The following SEMA6A variants were observed in gnomAD, a reference collection of about 807,000 sequenced individuals.
The protein encoded by SEMA6A is semaphorin 6A, also known as semaphorin-6A.
Under a neutral mutation model 96.8 loss-of-function variants are expected in SEMA6A, and 25 were observed. The ratio of observed to expected loss-of-function variants is 0.26; its 90% CI spans 0.19 to 0.36. SEMA6A has a LOEUF of 0.36. Ranked by LOEUF, SEMA6A falls within the 10% of genes least tolerant of loss-of-function variation. The probability of loss-of-function intolerance (pLI) is 1.00; values close to 1 mark genes in which losing one functional copy is unlikely to be tolerated. For synonymous variants in SEMA6A, 612 were observed against 518.0 expected (o/e 1.18, Z -2.46); for missense variants, 1,363 against 1,323.1 (o/e 1.03, Z -0.47).
intron 11 of SEMA6A, among the ~76,000 whole-genome samples, chr5:116,481,578 G>A (rs908343996): frequency 2.0e-5 from 3 of 152,034 alleles, no homozygotes; most frequent in Non-Finnish European, 4.4e-5. Flanking sequence ...GAAGAGAGTT[G>A]AAAAACAAAA....
Position 116,482,567 on chromosome 5 carries a change from C to G in SEMA6A, c.971G>C (p.Gly324Ala). 1 of 1,613,348 alleles carries G rather than the reference C, an allele frequency of 6.2e-7. No homozygotes were observed. Among genetic ancestry groups the G allele is most frequent in the Non-Finnish European group, 8.5e-7 (1 of 1,179,564 alleles). The change falls in exon 11 of 19, where the codon GGG (glycine) becomes GCG (alanine). Residue 324 changes from glycine (G) to alanine (A), a missense_variant. By Grantham distance (60) the Gly-to-Ala change is moderately conservative. Transcript: ENST00000343348. ...TFSTPYNSIP[G>A]SAVCAYDMLD... is the part of the protein sequence containing the mutation. The stretch of plus-strand genomic sequence containing the variant: ...CATGTCATAGGCACAGACTGCAGAC[C>G]CAGGGATGCTACAACATGATATTTC...
At chr5:116,491,587 A>C (rs940948714) in intron 7 of SEMA6A, among the ~76,000 whole-genome samples, 153 bp downstream of exon 7, 1 of 152,148 alleles carries the variant, frequency 6.6e-6, no homozygotes, top group East Asian at 1.9e-4. Flanking sequence ...TACAATTTTC[A>C]TACTAATTTC....
chr5:116,467,566 C>T lies in SEMA6A; in HGVS notation c.1894+17G>A, dbSNP rs1755837532. The T allele has an allele frequency of 6.2e-7, 1 of 1,600,990 alleles. No individual in the cohort carries two copies. The highest frequency in any genetic ancestry group is 1.1e-5 in the South Asian group (1 of 89,376). ...CTCCCTCTCCCCCGAGAGGAAGAGG[C>T]ATTTCCAAGGCCTTACCCTTCTTGT... On this transcript the variant is annotated intron_variant, in intron 18 of 18. Transcript: ENST00000343348.
chr5:116,573,094 G>C (rs1311480191), intron 1 of SEMA6A, among the ~76,000 whole-genome samples: 2 of 152,154 alleles, frequency 1.3e-5, no homozygotes, highest in Non-Finnish European at 2.9e-5. Flanking sequence ...CCCACAGCGA[G>C]GAGCTGAGCA....
intron 7 of SEMA6A, 127 bp from the exon 8 acceptor site, chr5:116,489,134 C>T (rs1478505532): frequency 9.1e-7 from 1 of 1,101,642 alleles, no homozygotes. Context: ...GGGAAAAATC[C>T]AAGAGTCGCT....
At chr5:116,503,870 A>G (rs1466531081) in intron 2 of SEMA6A, among the ~76,000 whole-genome samples, 3 of 152,194 alleles carry the variant, frequency 2.0e-5, no homozygotes, top group Non-Finnish European at 4.4e-5. Context: ...TCAAATGGAA[A>G]TAAATAAATG....
chr5:116,501,106 C>T (rs1302056222), intron 3 of SEMA6A, among the ~76,000 whole-genome samples: 1 of 152,172 alleles, frequency 6.6e-6, no homozygotes, highest in African/African-American at 2.4e-5. Flanking sequence ...CAAGATAGTG[C>T]TCCATGTTGC....
At chr5:116,502,167 T>A (rs1757914209) in intron 3 of SEMA6A, 43 bp downstream of exon 3, 2 of 1,526,826 alleles carry the variant, frequency 1.3e-6, no homozygotes, top group Admixed American at 3.4e-5. Flanking sequence ...GACCTTGGGC[T>A]TTTGGACACT....
At chr5:116,555,522 A>G (rs1374672638) in intron 1 of SEMA6A, among the ~76,000 whole-genome samples, 2 of 152,184 alleles carry the variant, frequency 1.3e-5, no homozygotes, top group Non-Finnish European at 2.9e-5. Context: ...GTTTGTATCT[A>G]TACATTGGTT....
At chr5:116,480,355 C>G in intron 11 of SEMA6A, 78 bp from the exon 12 acceptor site, 1 of 1,546,110 alleles carries the variant, frequency 6.5e-7, no homozygotes. Context: ...AACTGCTTCT[C>G]TAAGCATCTG....
intron 1 of SEMA6A, among the ~76,000 whole-genome samples, chr5:116,517,978 C>T (rs1758746988): frequency 6.6e-6 from 1 of 152,214 alleles, no homozygotes; most frequent in Non-Finnish European, 1.5e-5. Context: ...ATTTTCCAAT[C>T]CCTGGCATCA....
chr5:116,486,855 G>T lies in SEMA6A; in HGVS notation c.856C>A (p.Pro286Thr). Residue 286 changes from proline (P) to threonine (T), a missense_variant, in exon 10 of 19, where the codon CCT (proline) becomes ACT (threonine). Physicochemically the swap from Pro to Thr is conservative, Grantham distance 38. This residue lies in a region of SEMA6A where 480 missense variants were observed against 559.5 expected (regional missense o/e 0.86). Transcript: ENST00000343348. Reference protein sequence around the residue: ...FLKARLNCSVPGDSHFYFNIL... With the variant: ...FLKARLNCSVTGDSHFYFNIL... ...TTGAAATAAAAATGAGAGTCTCCAG[G>T]AACTGAGCAGTTCAAGCGCGCCTTC... The T allele has an allele frequency of 1.2e-6, 2 of 1,613,782 alleles. No homozygotes were observed. Among genetic ancestry groups the T allele is most frequent in the Non-Finnish European group, 1.7e-6 (2 of 1,179,786 alleles).
At chr5:116,491,411 G>T (rs1757317303) in intron 7 of SEMA6A, among the ~76,000 whole-genome samples, 1 of 111,280 alleles carries the variant, frequency 9.0e-6, no homozygotes, top group Non-Finnish European at 1.9e-5. Context: ...ATCAGTAGGG[G>T]ATTTTAAATT....
intron 1 of SEMA6A, among the ~76,000 whole-genome samples, chr5:116,515,778 A>G (rs1470934967): frequency 6.6e-6 from 1 of 152,136 alleles, no homozygotes; most frequent in Non-Finnish European, 1.5e-5. Context: ...TCAGGCCTAA[A>G]CGGCTGCAGG....
chr5:116,508,120 G>A (rs1419313765), intron 1 of SEMA6A: 2 of 152,276 alleles, frequency 1.3e-5, no homozygotes, highest in Non-Finnish European at 2.9e-5. Context: ...TGAGCCAAAT[G>A]AACCATGCAG....
chr5:116,502,097 A>C, intron 3 of SEMA6A, 113 bp downstream of exon 3: 2 of 767,966 alleles, frequency 2.6e-6, no homozygotes, highest in Admixed American at 2.5e-5. Flanking sequence ...CTTTAAGTTA[A>C]ATAACACTCT....
intron 8 of SEMA6A, 75 bp downstream of exon 8, chr5:116,488,813 C>G (rs898092224): frequency 2.1e-6 from 3 of 1,445,508 alleles, no homozygotes. Context: ...AGTCTGGTCC[C>G]TCCAGACTCT....
At chr5:116,532,477 G>A (rs1012046153) in intron 1 of SEMA6A, among the ~76,000 whole-genome samples, 5 of 152,194 alleles carry the variant, frequency 3.3e-5, no homozygotes, top group Non-Finnish European at 7.3e-5. Flanking sequence ...AAAGTTTTGT[G>A]TGAAATCTTG....
intron 18 of SEMA6A, among the ~76,000 whole-genome samples, chr5:116,464,492 C>T (rs191238400): frequency 4.9e-4 from 75 of 152,254 alleles, no homozygotes; most frequent in Non-Finnish European, 6.8e-4. Context: ...ATAATGCTTC[C>T]GCGTGCTGTG....
Sources: allele counts gnomAD v4.1 joint callset (sites outside exome capture counted in the v4.1 genomes callset), GRCh38; gene constraint gnomAD v4.1.1; regional missense constraint gnomAD v4.1.1; transcripts MANE v1.5; gene names NCBI Gene and HGNC (gene_info 2026-07-23, HGNC 2026-07-21).